PDE1C: variants seen among roughly 807,000 people sequenced by gnomAD.
PDE1C encodes dual specificity calcium/calmodulin-dependent 3',5'-cyclic nucleotide phosphodiesterase 1C.
PDE1C carries 62 observed loss-of-function variants against 93.1 expected under a neutral mutation model. The ratio of observed to expected loss-of-function variants is 0.67; its 90% CI spans 0.54 to 0.82. The LOEUF (loss-of-function observed/expected upper bound fraction) is 0.82, where lower values mean the gene tolerates loss of function less well. PDE1C is among the 40% of genes least tolerant of loss of function. The pLI is 0.00. For missense variants in PDE1C, 742 were observed against 884.6 expected (o/e 0.84, Z 2.04); for synonymous variants, 325 against 310.1 (o/e 1.05, Z -0.50).
chr7:31,880,215 G>GT (rs529951765), intron 3 of PDE1C, among the ~76,000 whole-genome samples: 10 of 152,064 alleles, frequency 6.6e-5, no homozygotes, highest in Non-Finnish European at 1.3e-4. Flanking sequence ...ACTTTCAAAC[G>GT]TATGTAGTAA....
intron 1 of PDE1C, among the ~76,000 whole-genome samples, chr7:32,242,910 G>T (rs935419709): frequency 6.6e-6 from 1 of 152,208 alleles, no homozygotes; most frequent in African/African-American, 2.4e-5. Flanking sequence ...AGCTGTACAA[G>T]GCCCTGTGGA....
intron 1 of PDE1C, among the ~76,000 whole-genome samples, chr7:32,250,308 C>T (rs1035198920): frequency 7.9e-5 from 12 of 152,188 alleles, no homozygotes; most frequent in Non-Finnish European, 1.3e-4. Flanking sequence ...CACACACAGC[C>T]ATTAGGCAGC....
At chr7:32,005,821 G>T (rs567119856) in intron 2 of PDE1C, among the ~76,000 whole-genome samples, 18 of 152,146 alleles carry the variant, frequency 1.2e-4, no homozygotes, top group African/African-American at 4.3e-4. Flanking sequence ...TGGCATTTTT[G>T]GATGTGCGCA....
intron 3 of PDE1C, among the ~76,000 whole-genome samples, chr7:32,084,640 A>G (rs1425624318): frequency 6.6e-6 from 1 of 151,530 alleles, no homozygotes; most frequent in East Asian, 1.9e-4. Flanking sequence ...AACAGAAATT[A>G]TAACAAACTG....
intron 2 of PDE1C, among the ~76,000 whole-genome samples, chr7:32,018,724 T>C (rs1294846360): frequency 2.6e-5 from 4 of 152,278 alleles, no homozygotes; most frequent in Non-Finnish European, 5.9e-5. Context: ...TTTTGAGTGA[T>C]AAAAATATTT....
chr7:31,730,669 T>A, the PDE1C span, among the ~76,000 whole-genome samples: 7 of 152,162 alleles, frequency 4.6e-5, no homozygotes, highest in Non-Finnish European at 1.0e-4. Context: ...GATATAGAGG[T>A]TGAGTCGTTT....
intron 1 of PDE1C, among the ~76,000 whole-genome samples, chr7:32,224,643 G>A (rs1012692234): frequency 3.3e-5 from 5 of 152,168 alleles, no homozygotes; most frequent in African/African-American, 7.2e-5. Context: ...AACATGTGTA[G>A]AGACACTTCC....
intron 2 of PDE1C, among the ~76,000 whole-genome samples, chr7:32,028,684 CTTAAT>C (rs1376082129): frequency 6.6e-6 from 1 of 152,036 alleles, no homozygotes; most frequent in Non-Finnish European, 1.5e-5. Context: ...ACCTTAAATA[CTTAAT>C]TTTTTTTGTG....
chr7:31,812,979 C>T (rs942070969), intron 15 of PDE1C, among the ~76,000 whole-genome samples: 1 of 152,044 alleles, frequency 6.6e-6, no homozygotes, highest in African/African-American at 2.4e-5. Context: ...TATTCCCACC[C>T]ACAACATGGG....
intron 1 of PDE1C, among the ~76,000 whole-genome samples, chr7:32,295,035 A>G (rs1321411636): frequency 6.6e-6 from 1 of 152,204 alleles, no homozygotes; most frequent in Non-Finnish European, 1.5e-5. Context: ...TTACATAAAG[A>G]GGATGCAAAA....
chr7:31,984,450 G>C (rs2129064142), intron 2 of PDE1C, among the ~76,000 whole-genome samples: 1 of 152,262 alleles, frequency 6.6e-6, no homozygotes, highest in Middle Eastern at 3.4e-3. Flanking sequence ...AGATCATCTG[G>C]ATGCAGTTCA....
At chr7:31,654,599 G>C in the PDE1C span, among the ~76,000 whole-genome samples, 1 of 152,112 alleles carries the variant, frequency 6.6e-6, no homozygotes, top group Admixed American at 6.5e-5. Flanking sequence ...AGCAAATGTC[G>C]TCAAGTTGCT....
the PDE1C span, among the ~76,000 whole-genome samples, chr7:31,678,154 C>T: frequency 6.6e-6 from 1 of 152,092 alleles, no homozygotes; most frequent in African/African-American, 2.4e-5. Flanking sequence ...AAAGGGGTGA[C>T]ATCAGTTCTT....
chr7:31,829,967 G>A (rs1790171095), intron 11 of PDE1C, among the ~76,000 whole-genome samples: 1 of 152,020 alleles, frequency 6.6e-6, no homozygotes, highest in African/African-American at 2.4e-5. Flanking sequence ...TTAATGGGGA[G>A]GGTGTGAACA....
At chr7:32,244,727 G>C (rs1022899273) in intron 1 of PDE1C, among the ~76,000 whole-genome samples, 1 of 152,130 alleles carries the variant, frequency 6.6e-6, no homozygotes, top group Non-Finnish European at 1.5e-5. Context: ...ATGTTCCGCT[G>C]TAAAGAAACC....
rs895161367 is a variant in PDE1C at position 31,888,092 on chromosome 7, CA to C, written c.129-7233del. On this transcript the variant is annotated intron_variant, in intron 2 of 17. Coordinates refer to ENST00000396191, the MANE Select transcript of PDE1C (RefSeq NM_001191057.4). ...TGAAACCCTGTCTCTACTAAAAATACAAAAAAAATTAGCCGAGTGTGGTGGC... is the reference window on the plus strand; with the variant it reads ...TGAAACCCTGTCTCTACTAAAAATACAAAAAAATTAGCCGAGTGTGGTGGC... Among the ~76,000 whole-genome samples, 236 of 150,696 alleles carry C rather than the reference CA, an allele frequency of 1.6e-3. 1 individual carries two copies. The highest frequency in any genetic ancestry group is 5.6e-3 in the African/African-American group (229 of 41,112).
downstream of PDE1C, among the ~76,000 whole-genome samples, chr7:31,750,355 G>A (rs1053556351): frequency 2.0e-5 from 3 of 152,168 alleles, no homozygotes; most frequent in Non-Finnish European, 2.9e-5. Flanking sequence ...TCAGAAGCTG[G>A]TGCCTGTGGG....
At chr7:31,705,837 C>T in the PDE1C span, among the ~76,000 whole-genome samples, 1 of 151,950 alleles carries the variant, frequency 6.6e-6, no homozygotes, top group Non-Finnish European at 1.5e-5. Context: ...ACTGGCCTTC[C>T]ATCGCAGCTT....
At chr7:32,286,088 C>T (rs1811981320) in intron 1 of PDE1C, among the ~76,000 whole-genome samples, 1 of 152,128 alleles carries the variant, frequency 6.6e-6, no homozygotes, top group East Asian at 1.9e-4. Context: ...AAGGAATGAG[C>T]GGTTGTTTGA....
Sources: allele counts gnomAD v4.1 joint callset (sites outside exome capture counted in the v4.1 genomes callset), GRCh38; gene constraint gnomAD v4.1.1; transcripts MANE v1.5; gene names NCBI Gene and HGNC (gene_info 2026-07-23, HGNC 2026-07-21).